Variants in CDH13 observed in about 807,000 individuals in gnomAD.
The protein encoded by CDH13 is cadherin 13.
Under a neutral mutation model 63.8 loss-of-function variants are expected in CDH13, and 24 were observed. That is an observed-to-expected ratio of 0.38 (90% CI 0.27 to 0.53). CDH13 has a LOEUF of 0.53. Ranked by LOEUF, CDH13 falls within the 20% of genes least tolerant of loss-of-function variation. The pLI, the probability that CDH13 is intolerant of heterozygous loss-of-function variation, is 0.85. For synonymous variants in CDH13, 503 were observed against 355.3 expected (o/e 1.42, Z -4.67); for missense variants, 1,049 against 903.1 (o/e 1.16, Z -2.07).
chr16:83,128,869 C>G (rs1453284364), intron 4 of CDH13, among the ~76,000 whole-genome samples: 2 of 152,188 alleles, frequency 1.3e-5, no homozygotes, highest in African/African-American at 4.8e-5. Flanking sequence ...AACTTAGATT[C>G]TCTACAAAGC....
intron 8 of CDH13, among the ~76,000 whole-genome samples, chr16:83,648,633 C>A (rs572104286): frequency 1.1e-4 from 16 of 152,216 alleles, no homozygotes; most frequent in African/African-American, 3.6e-4. Context: ...GACACCGACC[C>A]CCTGGGAATG....
chr16:83,632,533 G>A (rs8047973), intron 8 of CDH13, among the ~76,000 whole-genome samples: 110,037 of 151,488 alleles, frequency 0.73, 40,119 homozygotes, highest in Middle Eastern at 0.88. Context: ...AGGAAGCTGA[G>A]GGTTAGAGAG....
chr16:83,664,618 T>G (rs968159609), intron 8 of CDH13, among the ~76,000 whole-genome samples: 4 of 152,012 alleles, frequency 2.6e-5, no homozygotes, highest in Admixed American at 2.6e-4. Context: ...TTCTCATACG[T>G]TTTCTTCTAA....
In CDH13 at chr16:82,869,297, C is replaced by T. The variant is rs561009615; in HGVS notation, c.157+10824C>T. Among the ~76,000 whole-genome samples, 60 of 152,016 alleles carry T rather than the reference C, an allele frequency of 3.9e-4. 1 individual carries two copies. The highest frequency in any genetic ancestry group is 1.3e-3 in the African/African-American group (54 of 41,460). On this transcript the variant is annotated intron_variant, in intron 2 of 13. Coordinates refer to ENST00000567109, the MANE Select transcript of CDH13 (RefSeq NM_001257.5). The stretch of plus-strand genomic sequence containing the variant: ...CTGGCCTCAAACGATCGTCCTGATT[C>T]GACCTCCCAAAGGACTGGGTTAGGT...
chr16:83,211,012 G>A (rs545450594), intron 4 of CDH13, among the ~76,000 whole-genome samples: 1 of 150,982 alleles, frequency 6.6e-6, no homozygotes, highest in Non-Finnish European at 1.5e-5. Context: ...GCTGGGCGTG[G>A]TGGCACGCAC....
Position 83,793,397 on chromosome 16 carries a change from C to G in CDH13, c.2135-1626C>G, listed in dbSNP as rs191882545. On this transcript the variant is annotated intron_variant, in intron 13 of 13. Coordinates refer to ENST00000567109, the MANE Select transcript of CDH13 (RefSeq NM_001257.5). ...GTTGAGCAGAGTGACAGACTCCACACTGGAGCCAGCCCCGCAGCTGGCCAT... is the reference window on the plus strand; with the variant it reads ...GTTGAGCAGAGTGACAGACTCCACAGTGGAGCCAGCCCCGCAGCTGGCCAT... Among the ~76,000 whole-genome samples the G allele has an allele frequency of 3.3e-5, 5 of 152,330 alleles. No individual in the cohort carries two copies. The East Asian group carries it at 9.6e-4, about 29-fold the overall frequency.
chr16:83,206,968 T>C (rs957847593), intron 4 of CDH13, among the ~76,000 whole-genome samples: 2 of 152,202 alleles, frequency 1.3e-5, no homozygotes, highest in African/African-American at 4.8e-5. Context: ...GTACTCAGAC[T>C]AAAATACTTC....
chr16:82,947,547 T>C (rs572053650), intron 2 of CDH13, among the ~76,000 whole-genome samples: 10 of 152,048 alleles, frequency 6.6e-5, no homozygotes, highest in Admixed American at 3.9e-4. Flanking sequence ...CTGCCTTAAT[T>C]AATAAGAATG....
At chr16:83,108,497 C>T (rs568194125) in intron 3 of CDH13, among the ~76,000 whole-genome samples, 1 of 152,310 alleles carries the variant, frequency 6.6e-6, no homozygotes, top group East Asian at 1.9e-4. Flanking sequence ...GATTGAATCC[C>T]AGGTTACCAC....
chr16:83,492,962 T>A (rs1567710015), intron 7 of CDH13, among the ~76,000 whole-genome samples: 2 of 152,216 alleles, frequency 1.3e-5, no homozygotes, highest in Non-Finnish European at 2.9e-5. Context: ...AGTTGAAACC[T>A]GGCTTCAGAG....
At chr16:82,887,132 T>C (rs918661) in intron 2 of CDH13, among the ~76,000 whole-genome samples, 111,957 of 152,030 alleles carry the variant, frequency 0.74, 41,538 homozygotes, top group East Asian at 0.88. Context: ...GAAACCACTT[T>C]CGAACTTGTG....
At chr16:82,717,387 G>T (rs2032446582) in intron 1 of CDH13, among the ~76,000 whole-genome samples, 1 of 145,846 alleles carries the variant, frequency 6.9e-6, no homozygotes, top group Non-Finnish European at 1.5e-5. Flanking sequence ...AGTGGATTGA[G>T]ATCACACCAC....
At chr16:82,951,970 A>G (rs1204152016) in intron 2 of CDH13, among the ~76,000 whole-genome samples, 1 of 152,180 alleles carries the variant, frequency 6.6e-6, no homozygotes, top group Non-Finnish European at 1.5e-5. Flanking sequence ...ACTCCCTCCC[A>G]ACAGGGTCGT....
At chr16:83,106,216 A>G (rs966727416) in intron 3 of CDH13, among the ~76,000 whole-genome samples, 8 of 152,220 alleles carry the variant, frequency 5.3e-5, no homozygotes, top group African/African-American at 1.7e-4. Context: ...TTTGCCTTTC[A>G]TTTATAGTAA....
At chr16:83,246,703 C>T (rs1159548908) in intron 5 of CDH13, among the ~76,000 whole-genome samples, 1 of 152,162 alleles carries the variant, frequency 6.6e-6, no homozygotes, top group Non-Finnish European at 1.5e-5. Flanking sequence ...TTTGAGGCCC[C>T]TATGTTTACT....
chr16:83,342,843 GTTTTT>G (rs778316746), intron 5 of CDH13, among the ~76,000 whole-genome samples: 12 of 65,302 alleles, frequency 1.8e-4, no homozygotes, highest in African/African-American at 6.4e-4. Context: ...TTTTGTTTCT[GTTTTT>G]TTTTTTTTTT....
At chr16:83,584,596 G>A (rs925182915) in intron 7 of CDH13, among the ~76,000 whole-genome samples, 2 of 152,170 alleles carry the variant, frequency 1.3e-5, no homozygotes, top group African/African-American at 4.8e-5. Flanking sequence ...AACAGCATCT[G>A]TGAAGAAAGG....
chr16:83,607,862 A>C (rs980659249), intron 8 of CDH13, among the ~76,000 whole-genome samples: 1 of 152,156 alleles, frequency 6.6e-6, no homozygotes, highest in African/African-American at 2.4e-5. Flanking sequence ...TATACATGAA[A>C]ACTTCAGCAG....
chr16:82,991,573 G>A (rs903606736), intron 2 of CDH13, among the ~76,000 whole-genome samples: 5 of 151,958 alleles, frequency 3.3e-5, no homozygotes, highest in Non-Finnish European at 7.4e-5. Context: ...CTCATCTCAC[G>A]GCAACCTCCA....
Sources: allele counts gnomAD v4.1 joint callset (sites outside exome capture counted in the v4.1 genomes callset), GRCh38; gene constraint gnomAD v4.1.1; transcripts MANE v1.5; gene names NCBI Gene and HGNC (gene_info 2026-07-23, HGNC 2026-07-21).